The following TENM3 variants were observed in gnomAD, a reference collection of about 807,000 sequenced individuals.
TENM3 encodes teneurin transmembrane protein 3, also known as teneurin-3.
In TENM3, 63 loss-of-function variants were observed where a neutral mutation model predicts 255.1. The ratio of observed to expected loss-of-function variants is 0.25; its 90% CI spans 0.20 to 0.30. The LOEUF (loss-of-function observed/expected upper bound fraction) is 0.30. Ranked by LOEUF, TENM3 falls within the 10% of genes least tolerant of loss-of-function variation. The pLI, the probability that TENM3 is intolerant of heterozygous loss-of-function variation, is 1.00. For synonymous variants in TENM3, 1,306 were observed against 1,322.3 expected (o/e 0.99, Z 0.27); for missense variants, 2,929 against 3,461.1 (o/e 0.85, Z 3.86).
the TENM3 span, among the ~76,000 whole-genome samples, chr4:181,771,692 A>C: frequency 1.3e-5 from 2 of 152,232 alleles, no homozygotes; most frequent in South Asian, 4.1e-4. Flanking sequence ...ACACAAATCA[A>C]CCGGCTGTGT....
chr4:182,777,543 A>ATTTTTTTTTTTTT (rs1561238758), intron 24 of TENM3, among the ~76,000 whole-genome samples: 1 of 34,908 alleles, frequency 2.9e-5, no homozygotes, highest in African/African-American at 1.3e-4. Flanking sequence ...GTGTGTGTGT[A>ATTTTTTTTTTTTT]TTTCTTTTTT....
At chr4:181,584,669 C>CA in the TENM3 span, among the ~76,000 whole-genome samples, 3 of 152,180 alleles carry the variant, frequency 2.0e-5, no homozygotes, top group South Asian at 2.1e-4. Context: ...CCCCAGGACT[C>CA]AAACTTTCAT....
At chr4:182,742,747 GTT>G (rs1371005667) in intron 18 of TENM3, among the ~76,000 whole-genome samples, 1 of 152,288 alleles carries the variant, frequency 6.6e-6, no homozygotes, top group African/African-American at 2.4e-5. Flanking sequence ...CATCTGGAGA[GTT>G]TTTCTAAATT....
the TENM3 span, among the ~76,000 whole-genome samples, chr4:182,014,151 TATATATATAC>T: frequency 4.1e-5 from 6 of 147,408 alleles, no homozygotes; most frequent in South Asian, 2.1e-4. Flanking sequence ...CATATATACT[TATATATATAC>T]ATATATATAC....
the TENM3 span, among the ~76,000 whole-genome samples, chr4:181,595,806 C>A: frequency 6.6e-6 from 1 of 152,002 alleles, no homozygotes; most frequent in Non-Finnish European, 1.5e-5. Flanking sequence ...TTTTTCCTTG[C>A]TCATCCTTCT....
chr4:181,926,960 G>A, the TENM3 span, among the ~76,000 whole-genome samples: 1 of 152,028 alleles, frequency 6.6e-6, no homozygotes, highest in African/African-American at 2.4e-5. Context: ...ACCGTGCTGT[G>A]AGGAACGGTG....
chr4:182,447,767 A>T (rs1773048689), intron 3 of TENM3, among the ~76,000 whole-genome samples: 1 of 152,076 alleles, frequency 6.6e-6, no homozygotes, highest in Non-Finnish European at 1.5e-5. Flanking sequence ...TAAAAATGAG[A>T]GGTTTGGAGG....
chr4:182,174,727 C>G (rs1465563708), intron 1 of TENM3, among the ~76,000 whole-genome samples: 1 of 152,086 alleles, frequency 6.6e-6, no homozygotes, highest in Non-Finnish European at 1.5e-5. Context: ...CCTTGTATAA[C>G]CAATGAGCTT....
intron 3 of TENM3, among the ~76,000 whole-genome samples, chr4:182,574,927 A>G (rs931768412): frequency 2.6e-5 from 4 of 152,140 alleles, no homozygotes; most frequent in African/African-American, 9.7e-5. Context: ...GTCTTTACCT[A>G]GGTTATCTCC....
chr4:182,653,076 A>G (rs1291723272), intron 5 of TENM3, among the ~76,000 whole-genome samples: 1 of 152,150 alleles, frequency 6.6e-6, no homozygotes, highest in Non-Finnish European at 1.5e-5. Context: ...AAAATAAAGC[A>G]AATTAGTAAA....
At chr4:181,905,441 A>G in the TENM3 span, among the ~76,000 whole-genome samples, 1 of 152,026 alleles carries the variant, frequency 6.6e-6, no homozygotes, top group African/African-American at 2.4e-5. Context: ...AGGTGATCCC[A>G]TGGAAGAGCT....
At chr4:182,069,435 C>G in the TENM3 span, among the ~76,000 whole-genome samples, 8 of 152,162 alleles carry the variant, frequency 5.3e-5, no homozygotes, top group Admixed American at 1.3e-4. Flanking sequence ...AGGACTTGAT[C>G]AGAACCAAAT....
chr4:181,472,918 A>G, the TENM3 span, among the ~76,000 whole-genome samples: 4 of 152,208 alleles, frequency 2.6e-5, no homozygotes, highest in Non-Finnish European at 4.4e-5. Flanking sequence ...TGGAATTCAT[A>G]CATTTTAGAA....
chr4:181,983,690 G>A, the TENM3 span, among the ~76,000 whole-genome samples: 17,672 of 151,992 alleles, frequency 0.12, 1,333 homozygotes, highest in South Asian at 0.17. Flanking sequence ...CCATATTTCC[G>A]ATGCAATCTA....
intron 1 of TENM3, among the ~76,000 whole-genome samples, chr4:182,288,809 T>C (rs1760915311): frequency 6.6e-6 from 1 of 152,070 alleles, no homozygotes; most frequent in Non-Finnish European, 1.5e-5. Context: ...GAGCACAGGG[T>C]GGAATACCAG....
the TENM3 span, among the ~76,000 whole-genome samples, chr4:181,998,264 T>G: frequency 6.6e-6 from 1 of 152,214 alleles, no homozygotes; most frequent in Non-Finnish European, 1.5e-5. Context: ...TGTTCTCTAC[T>G]GGTAATGACT....
At position 182,346,672 on chromosome 4, in the gene TENM3, AGTTAGGAGTTTGTGAACCAGCAACTC is replaced by A; in HGVS notation, c.256_281del (p.Leu86LysfsTer25). On this transcript the variant is annotated frameshift_variant, in exon 3 of 28. Coordinates refer to ENST00000511685, the MANE Select transcript of TENM3 (RefSeq NM_001080477.4). LOFTEE classifies it high-confidence loss of function. ...TTAGGACAGAATTTTACCCTAAGGC[AGTTAGGAGTTTGTGAACCAGCAACTC>A]GAAGAGGACTGGCATTTTGTGCGGA... 6.2e-7 allele frequency: 1 copy of A among 1,613,554 alleles called. No individual in the cohort carries two copies. Among genetic ancestry groups the A allele is most frequent in the Non-Finnish European group, 8.5e-7 (1 of 1,179,758 alleles).
chr4:181,842,020 A>C, the TENM3 span, among the ~76,000 whole-genome samples: 2 of 151,826 alleles, frequency 1.3e-5, no homozygotes, highest in African/African-American at 4.8e-5. Flanking sequence ...TCACATATCT[A>C]TATATACTTA....
intron 5 of TENM3, among the ~76,000 whole-genome samples, chr4:182,647,464 A>C (rs139953659): frequency 1.3e-5 from 2 of 152,346 alleles, no homozygotes; most frequent in Non-Finnish European, 2.9e-5. Flanking sequence ...TGCAAGTGGA[A>C]TTATACGGTA....
Sources: gnomAD v4.1 joint callset for allele counts (sites outside exome capture counted in the v4.1 genomes callset) on GRCh38, gnomAD v4.1.1 for gene constraint, MANE v1.5 for transcripts, NCBI Gene and HGNC (gene_info 2026-07-23, HGNC 2026-07-21) for gene names.